The following FLVCR1 variants were observed in gnomAD, a reference collection of about 807,000 sequenced individuals.
FLVCR1 encodes the protein choline/ethanolamine transporter FLVCR1.
Under a neutral mutation model 53.6 loss-of-function variants are expected in FLVCR1, and 34 were observed. The observed-to-expected ratio is 0.63, with a 90% CI of 0.48 to 0.84. FLVCR1 has a LOEUF of 0.84. FLVCR1 is among the 40% of genes least tolerant of loss of function. FLVCR1 has a pLI of 0.00. For missense variants in FLVCR1, 677 were observed against 696.7 expected, an observed-to-expected ratio of 0.97 and a Z score of 0.32; for synonymous variants, 300 against 286.3, an observed-to-expected ratio of 1.05 and a Z score of -0.48.
intron 1 of FLVCR1, among the ~76,000 whole-genome samples, chr1:212,860,211 C>T (rs903543635): frequency 1.3e-5 from 2 of 152,174 alleles, no homozygotes; most frequent in African/African-American, 4.8e-5. Context: ...GCTTTATAGT[C>T]ATTTCCCTTA....
rs1460932255 is a variant in FLVCR1, at chr1:212,896,938, G to C, written c.*1648G>C. 2.7e-5 allele frequency: 4 copies of C among 149,456 alleles called. No individual in the cohort carries two copies. Among genetic ancestry groups the C allele is most frequent in the African/African-American group, 9.9e-5 (4 of 40,304 alleles). 9.3% of individuals were successfully genotyped at this position (149,456 alleles called of 1,614,324 possible). On this transcript the variant is annotated 3_prime_UTR_variant, in exon 10 of 10. Transcript: ENST00000366971. ...TGCCTGTAATCTCAGCACTTTGGGA[G>C]GCCAAGGCAGGTGGATCACAAAGTC...
rs1248456378 is a variant in FLVCR1 at position 212,894,973 on chromosome 1, C to T, written c.1526-13C>T. The T allele has an allele frequency of 1.3e-6, 2 of 1,578,816 alleles. No individual in the cohort carries two copies. The highest frequency in any genetic ancestry group is 1.7e-6 in the Non-Finnish European group (2 of 1,148,168). On this transcript the variant is annotated splice_polypyrimidine_tract_variant and intron_variant, in intron 8 of 9. Coordinates refer to ENST00000366971, the MANE Select transcript of FLVCR1 (RefSeq NM_014053.4). The stretch of plus-strand genomic sequence containing the variant: ...ATAACAGTTTATAGTAACTTGATGC[C>T]CCTCTGTTTCAGCATTAATCAAGTC...
chr1:212,894,361 G>A (rs1665278820), intron 8 of FLVCR1, among the ~76,000 whole-genome samples: 1 of 151,658 alleles, frequency 6.6e-6, no homozygotes, highest in African/African-American at 2.4e-5. Flanking sequence ...CACCGTGTTG[G>A]CCGGGATGGT....
chr1:212,874,994 G>A (rs935607960), intron 3 of FLVCR1, among the ~76,000 whole-genome samples: 6 of 151,830 alleles, frequency 4.0e-5, no homozygotes, highest in African/African-American at 1.5e-4. Flanking sequence ...GTAATTTTGT[G>A]CCAATATTTC....
At chr1:212,866,946 T>C (rs1339843396) in intron 2 of FLVCR1, among the ~76,000 whole-genome samples, 3 of 152,236 alleles carry the variant, frequency 2.0e-5, no homozygotes, top group East Asian at 3.8e-4. Context: ...TTTTCCTCAT[T>C]CCCAAATATT....
In FLVCR1 at chr1:212,896,890, G is replaced by GAAAAAAAA. The variant is rs1558124499; in HGVS notation, c.*1600_*1601insAAAAAAAA. 3 of 93,604 alleles carry GAAAAAAAA rather than the reference G, an allele frequency of 3.2e-5. No individual in the cohort carries two copies. The highest frequency in any genetic ancestry group is 6.2e-5 in the Non-Finnish European group (3 of 48,060). The allele number at this position is 93,604 out of a possible 1,614,324, so 5.8% of individuals were successfully genotyped here. ...AAAAAAAAAAAAAAAAAAAAAAAAGGCCAGGCGCAGTGCTGTGGCTCATGC... is the reference window on the plus strand; with the variant it reads ...AAAAAAAAAAAAAAAAAAAAAAAAGGAAAAAAAACCAGGCGCAGTGCTGTGGCTCATGC... On this transcript the variant is annotated 3_prime_UTR_variant, in exon 10 of 10. Coordinates refer to ENST00000366971, the MANE Select transcript of FLVCR1 (RefSeq NM_014053.4).
intron 2 of FLVCR1, among the ~76,000 whole-genome samples, chr1:212,872,436 A>G (rs1285824773): frequency 6.6e-6 from 1 of 152,180 alleles, no homozygotes; most frequent in Non-Finnish European, 1.5e-5. Flanking sequence ...ACTTATATGA[A>G]TTGGCCATAT....
At chr1:212,869,766 C>T (rs965937127) in intron 2 of FLVCR1, among the ~76,000 whole-genome samples, 2 of 152,232 alleles carry the variant, frequency 1.3e-5, no homozygotes, top group African/African-American at 4.8e-5. Context: ...CAACTCTTGA[C>T]CTCAGGTGAG....
At chr1:212,881,261 A>G (rs1664917554) in intron 3 of FLVCR1, among the ~76,000 whole-genome samples, 1 of 151,024 alleles carries the variant, frequency 6.6e-6, no homozygotes, top group African/African-American at 2.4e-5. Context: ...AGGAACAAAT[A>G]TAGGAGACCA....
chr1:212,866,740 T>C (rs780824632), intron 2 of FLVCR1, among the ~76,000 whole-genome samples: 29 of 152,152 alleles, frequency 1.9e-4, no homozygotes, highest in Non-Finnish European at 4.1e-4. Context: ...GGCCTACAGG[T>C]AGAGAGTGGA....
At chr1:212,881,852 A>G (rs1664939437) in intron 3 of FLVCR1, among the ~76,000 whole-genome samples, 1 of 152,254 alleles carries the variant, frequency 6.6e-6, no homozygotes. Context: ...CCTACAAATC[A>G]GAAAGAGCAA....
intron 3 of FLVCR1, among the ~76,000 whole-genome samples, chr1:212,875,237 T>C (rs1053478868): frequency 1.3e-5 from 2 of 152,184 alleles, no homozygotes; most frequent in Admixed American, 6.5e-5. Flanking sequence ...GGAGATAATA[T>C]AAACATCTGA....
Position 212,858,729 on chromosome 1 carries a change from G to A in FLVCR1, c.277G>A (p.Ala93Thr). The A allele has an allele frequency of 6.2e-7, 1 of 1,609,306 alleles. No homozygotes were observed. Among genetic ancestry groups the A allele is most frequent in the African/African-American group, 1.3e-5 (1 of 74,988 alleles). ...GGGCGCGGGAGCTGAGACCCCGGGG[G>A]CCGAGAGCAGCCCGCTGCCCCTTAC... ...PAGAGAETPGAESSPLPLTAL... is the reference protein window; with the variant it reads ...PAGAGAETPGTESSPLPLTAL... The change falls in exon 1 of 10, where the codon GCC becomes ACC. Residue 93 changes from alanine to threonine, a missense_variant. Physicochemically the swap from Ala to Thr is moderately conservative, Grantham distance 58. Coordinates refer to ENST00000366971, the MANE Select transcript of FLVCR1 (RefSeq NM_014053.4).
At chr1:212,860,971 C>G (rs931591) in intron 1 of FLVCR1, among the ~76,000 whole-genome samples, 16,038 of 152,196 alleles carry the variant, frequency 0.11, 1,360 homozygotes, top group African/African-American at 0.23. Context: ...TCCTCCCTAT[C>G]TGTAGCCCTT....
In FLVCR1 at chr1:212,859,085, G is replaced by C. The variant is rs1664135735; in HGVS notation, c.633G>C (p.Ser211=). 6.2e-7 allele frequency: 1 copy of C among 1,613,494 alleles called. No individual in the cohort carries two copies. Among genetic ancestry groups the C allele is most frequent in the Non-Finnish European group, 8.5e-7 (1 of 1,179,846 alleles). Residue 211 remains serine, a synonymous_variant, in exon 1 of 10, where the codon TCG becomes TCC. Transcript: ENST00000366971. The stretch of plus-strand genomic sequence containing the variant: ...CCATGTTGGGCCAGTGCTTGTGCTC[G>C]GTGGCCCAGGTGTTCATCCTGGGCT... ...WVTMLGQCLC[S]VAQVFILGLP...
chr1:212,878,658 A>G (rs553242456), intron 3 of FLVCR1, among the ~76,000 whole-genome samples: 1 of 152,290 alleles, frequency 6.6e-6, no homozygotes, highest in African/African-American at 2.4e-5. Flanking sequence ...CTATGTATAT[A>G]TAGGTATTGT....
chr1:212,876,954 C>T (rs1484264554), intron 3 of FLVCR1, among the ~76,000 whole-genome samples: 2 of 152,156 alleles, frequency 1.3e-5, no homozygotes, highest in African/African-American at 4.8e-5. Context: ...CTCCCTCCAG[C>T]AGTGTAAAAG....
rs934193989 is a variant in FLVCR1, at chr1:212,889,251, T to G, written c.1519T>G (p.Leu507Val). ...LCVWMFIGII[L>V]TALIKSDLRR... ...TGTCTGGATGTTTATAGGCATCATATTAACAGGTAAATTAGGGCGTTTGCC... is the reference window on the plus strand; with the variant it reads ...TGTCTGGATGTTTATAGGCATCATAGTAACAGGTAAATTAGGGCGTTTGCC... Residue 507 changes from leucine to valine, a missense_variant, in exon 8 of 10, where the codon TTA (leucine) becomes GTA (valine). Leu to Val is a conservative substitution (Grantham distance 32). Transcript: ENST00000366971. 2 of 1,603,672 alleles carry G rather than the reference T, an allele frequency of 1.2e-6. No homozygotes were observed. The highest frequency in any genetic ancestry group is 1.7e-6 in the Non-Finnish European group (2 of 1,170,496).
At chr1:212,862,801 C>T (rs1664285363) in intron 1 of FLVCR1, among the ~76,000 whole-genome samples, 1 of 152,112 alleles carries the variant, frequency 6.6e-6, no homozygotes, top group Non-Finnish European at 1.5e-5. Context: ...TCCCACCAGC[C>T]GTATTCAAGG....
Sources: allele counts gnomAD v4.1 joint callset (sites outside exome capture counted in the v4.1 genomes callset), GRCh38; gene constraint gnomAD v4.1.1; transcripts MANE v1.5; gene names NCBI Gene and HGNC (gene_info 2026-07-23, HGNC 2026-07-21).